Variants in ASTN2 observed in about 807,000 individuals in gnomAD.
ASTN2 encodes the protein astrotactin 2.
In ASTN2, 54 loss-of-function variants were observed where a neutral mutation model predicts 139.8. The ratio of observed to expected loss-of-function variants is 0.39; its 90% CI spans 0.31 to 0.48. The LOEUF (loss-of-function observed/expected upper bound fraction) is 0.48. Ranked by LOEUF, ASTN2 falls within the 20% of genes least tolerant of loss-of-function variation. ASTN2 has a pLI of 0.95. For synonymous variants in ASTN2, 756 were observed against 719.5 expected, an observed-to-expected ratio of 1.05 and a Z score of -0.81; for missense variants, 1,565 against 1,725.1, an observed-to-expected ratio of 0.91 and a Z score of 1.64.
intron 19 of ASTN2, among the ~76,000 whole-genome samples, chr9:116,592,232 T>C (rs1854406281): frequency 6.6e-6 from 1 of 152,152 alleles, no homozygotes; most frequent in African/African-American, 2.4e-5. Flanking sequence ...GGACAATTTA[T>C]AAAGAAAAGA....
At chr9:117,264,766 G>A (rs1026336921) in intron 2 of ASTN2, among the ~76,000 whole-genome samples, 3 of 152,214 alleles carry the variant, frequency 2.0e-5, no homozygotes, top group African/African-American at 7.2e-5. Context: ...TAGGCTTAAC[G>A]TTTTTGTTTG....
chr9:117,074,353 G>C (rs1248016684), intron 5 of ASTN2, among the ~76,000 whole-genome samples: 1 of 152,174 alleles, frequency 6.6e-6, no homozygotes, highest in East Asian at 1.9e-4. Flanking sequence ...TGCCACCACA[G>C]TGACATTTGG....
chr9:117,052,448 AAAAG>A (rs1232218122), intron 5 of ASTN2, among the ~76,000 whole-genome samples: 6 of 151,718 alleles, frequency 4.0e-5, no homozygotes, highest in African/African-American at 7.3e-5. Context: ...AAAAAAAAAA[AAAAG>A]AAAGAAAGAT....
At chr9:117,241,566 A>C (rs1257199353) in intron 2 of ASTN2, among the ~76,000 whole-genome samples, 1 of 152,174 alleles carries the variant, frequency 6.6e-6, no homozygotes, top group African/African-American at 2.4e-5. Context: ...TGTGCAACCT[A>C]GATCCCTTGA....
intron 1 of ASTN2, among the ~76,000 whole-genome samples, chr9:117,381,351 A>T (rs548588644): frequency 1.3e-5 from 2 of 152,214 alleles, no homozygotes; most frequent in African/African-American, 4.8e-5. Flanking sequence ...ATCCAATATG[A>T]GATACATTCC....
intron 6 of ASTN2, among the ~76,000 whole-genome samples, chr9:117,022,348 A>C (rs528138102): frequency 6.6e-6 from 1 of 151,994 alleles, no homozygotes; most frequent in Non-Finnish European, 1.5e-5. Context: ...CACAACCTCT[A>C]TGAGAAGACA....
rs1266271245 is a variant in ASTN2 at position 116,975,302 on chromosome 9, T to G, written c.1795A>C (p.Lys599Gln). 1 of 1,613,422 alleles carries G rather than the reference T, an allele frequency of 6.2e-7. No individual in the cohort carries two copies. The highest frequency in any genetic ancestry group is 1.1e-5 in the South Asian group (1 of 90,932). Residue 599 changes from lysine to glutamine, a missense_variant, in exon 10 of 23, where the codon AAA (lysine) becomes CAA (glutamine). Lys to Gln is a moderately conservative substitution (Grantham distance 53). This residue lies in a region of ASTN2 where 503 missense variants were observed against 591.7 expected (regional missense o/e 0.85). Coordinates refer to ENST00000313400, the MANE Select transcript of ASTN2 (RefSeq NM_001365068.1). The stretch of plus-strand genomic sequence containing the variant: ...TCCACAGGCGGAACCACAAAGCTTT[T>G]GCTGACAGGAAGCCAGAGGCCTTGG... Reference protein sequence around the residue: ...LGQGLWLPVSKSFVVPPVELS... With the variant: ...LGQGLWLPVSQSFVVPPVELS...
chr9:117,409,675 A>G (rs1831107160), intron 1 of ASTN2, among the ~76,000 whole-genome samples: 1 of 152,198 alleles, frequency 6.6e-6, no homozygotes, highest in African/African-American at 2.4e-5. Context: ...TCCCCCTGCC[A>G]CACAGGCTGG....
chr9:117,384,180 G>A (rs1830340156), intron 1 of ASTN2, among the ~76,000 whole-genome samples: 1 of 152,190 alleles, frequency 6.6e-6, no homozygotes, highest in Non-Finnish European at 1.5e-5. Context: ...TGAGCAGGCA[G>A]TGTGGCCATA....
At chr9:117,024,405 TG>T (rs1837990416) in intron 6 of ASTN2, among the ~76,000 whole-genome samples, 1 of 142,498 alleles carries the variant, frequency 7.0e-6, no homozygotes, top group Non-Finnish European at 1.5e-5. Context: ...GTCTCAGAAT[TG>T]TTTTTTTTTA....
intron 3 of ASTN2, among the ~76,000 whole-genome samples, chr9:117,204,161 G>C (rs1194189595): frequency 6.6e-6 from 1 of 152,204 alleles, no homozygotes; most frequent in Non-Finnish European, 1.5e-5. Flanking sequence ...GGTGTGTTGG[G>C]CTGTGGGGAC....
chr9:116,483,590 G>C (rs534888055), intron 20 of ASTN2, among the ~76,000 whole-genome samples: 6 of 152,274 alleles, frequency 3.9e-5, no homozygotes, highest in African/African-American at 1.4e-4. Context: ...ATGGTAGGGA[G>C]AATGACAGAC....
chr9:117,097,024 T>C (rs527688250), intron 4 of ASTN2, among the ~76,000 whole-genome samples: 28 of 151,908 alleles, frequency 1.8e-4, no homozygotes, highest in Admixed American at 5.9e-4. Context: ...GGAGCAAGAG[T>C]ATGAATTGGC....
At chr9:116,834,619 A>C (rs76094188) in intron 11 of ASTN2, among the ~76,000 whole-genome samples, 1 of 152,200 alleles carries the variant, frequency 6.6e-6, no homozygotes, top group Non-Finnish European at 1.5e-5. Context: ...TTTGATTTGC[A>C]TGTGTCTTTT....
intron 2 of ASTN2, among the ~76,000 whole-genome samples, chr9:117,240,976 C>A (rs1412293421): frequency 6.6e-6 from 1 of 152,172 alleles, no homozygotes. Context: ...ATCCTCCTTT[C>A]CATCTGAGCC....
chr9:117,292,507 G>T (rs1283814543), intron 1 of ASTN2, among the ~76,000 whole-genome samples: 1 of 152,128 alleles, frequency 6.6e-6, no homozygotes, highest in Non-Finnish European at 1.5e-5. Context: ...AGAGAAGGGT[G>T]GTGGATTTCT....
intron 10 of ASTN2, among the ~76,000 whole-genome samples, chr9:116,912,854 C>G (rs1419154738): frequency 6.6e-6 from 1 of 152,112 alleles, no homozygotes; most frequent in Non-Finnish European, 1.5e-5. Flanking sequence ...GGTTTGAACT[C>G]AGGCCTGCAC....
chr9:116,527,165 C>A (rs1001079345), intron 19 of ASTN2, among the ~76,000 whole-genome samples: 2 of 151,986 alleles, frequency 1.3e-5, no homozygotes, highest in Non-Finnish European at 2.9e-5. Flanking sequence ...AAAGCACTCA[C>A]AACAAAGGCA....
In ASTN2 at chr9:116,822,190, T is replaced by TAAC. The variant is rs557693694; in HGVS notation, c.2041-1410_2041-1408dup. On this transcript the variant is annotated intron_variant, in intron 11 of 22. Coordinates refer to ENST00000313400, the MANE Select transcript of ASTN2 (RefSeq NM_001365068.1). ...AAAAATTAATTTACAAAAACCACAA[T>TAAC]AACAAAAAAAAAAAGGTCAGCCCTC... Among the ~76,000 whole-genome samples, 90 of 39,940 alleles carry TAAC rather than the reference T, an allele frequency of 2.3e-3. No homozygotes were observed. In the East Asian group the frequency reaches 0.038, roughly 17 times the overall value. 26.2% of individuals were successfully genotyped at this position (39,940 alleles called of 152,430 possible).
Sources: allele counts gnomAD v4.1 joint callset (sites outside exome capture counted in the v4.1 genomes callset), GRCh38; gene constraint gnomAD v4.1.1; regional missense constraint gnomAD v4.1.1; transcripts MANE v1.5; gene names NCBI Gene and HGNC (gene_info 2026-07-23, HGNC 2026-07-21).